The following DOCK3 variants were observed in gnomAD, a reference collection of about 807,000 sequenced individuals.
DOCK3 encodes the protein dedicator of cytokinesis 3.
A neutral mutation model predicts 265.6 loss-of-function variants in DOCK3; 60 were observed. The ratio of observed to expected loss-of-function variants is 0.23; its 90% CI spans 0.18 to 0.28. DOCK3 has a LOEUF of 0.28. Ranked by LOEUF, DOCK3 falls within the 10% of genes least tolerant of loss-of-function variation. The pLI, the probability that DOCK3 is intolerant of heterozygous loss-of-function variation, is 1.00. For synonymous variants in DOCK3, 881 were observed against 938.0 expected, an observed-to-expected ratio of 0.94 and a Z score of 1.11; for missense variants, 1,981 against 2,594.3, an observed-to-expected ratio of 0.76 and a Z score of 5.14.
chr3:50,890,598 A>C (rs1332177746), intron 4 of DOCK3, among the ~76,000 whole-genome samples: 1 of 152,260 alleles, frequency 6.6e-6, no homozygotes, highest in East Asian at 1.9e-4. Flanking sequence ...GCATGTTGGG[A>C]ATATGAATGA....
chr3:51,302,483 A>G (rs2082408280), intron 27 of DOCK3, among the ~76,000 whole-genome samples: 1 of 151,084 alleles, frequency 6.6e-6, no homozygotes, highest in Admixed American at 6.6e-5. Flanking sequence ...CTAGCTGATT[A>G]TTTTGCAGAC....
At chr3:50,696,963 C>G (rs1267591535) in intron 1 of DOCK3, among the ~76,000 whole-genome samples, 1 of 148,878 alleles carries the variant, frequency 6.7e-6, no homozygotes, top group Non-Finnish European at 1.5e-5. Flanking sequence ...GTCTCACTAA[C>G]TCTGTTGCTC....
At chr3:51,149,736 G>T (rs1238585914) in intron 10 of DOCK3, among the ~76,000 whole-genome samples, 1 of 152,180 alleles carries the variant, frequency 6.6e-6, no homozygotes, top group Non-Finnish European at 1.5e-5. Context: ...GCTGGATTCG[G>T]TTTGCCAGTA....
chr3:51,343,003 C>T (rs905515253), intron 38 of DOCK3, among the ~76,000 whole-genome samples: 16 of 152,186 alleles, frequency 1.1e-4, no homozygotes, highest in Admixed American at 2.6e-4. Flanking sequence ...CCTACCTTGT[C>T]TGTTCCTGTG....
chr3:51,213,708 T>C (rs2089631305), intron 13 of DOCK3, among the ~76,000 whole-genome samples: 1 of 152,196 alleles, frequency 6.6e-6, no homozygotes, highest in African/African-American at 2.4e-5. Context: ...ATTTCTCATA[T>C]TTGGGATGGC....
intron 1 of DOCK3, among the ~76,000 whole-genome samples, chr3:50,696,487 A>G (rs1279950363): frequency 6.6e-6 from 1 of 152,238 alleles, no homozygotes; most frequent in Non-Finnish European, 1.5e-5. Flanking sequence ...GGGGCGTGCA[A>G]GGCAATATCC....
chr3:50,724,991 CAA>C (rs34882214), intron 1 of DOCK3, among the ~76,000 whole-genome samples: 1,615 of 139,700 alleles, frequency 0.012, 9 homozygotes, highest in African/African-American at 0.015. Flanking sequence ...GATTCTGTCT[CAA>C]AAAAAAAAAA....
chr3:50,725,848 C>T (rs896380302), intron 1 of DOCK3, among the ~76,000 whole-genome samples: 1 of 152,054 alleles, frequency 6.6e-6, no homozygotes, highest in Non-Finnish European at 1.5e-5. Context: ...GGAGTAGCCT[C>T]CCGGGTGGCA....
intron 27 of DOCK3, among the ~76,000 whole-genome samples, chr3:51,297,044 G>C (rs1169342649): frequency 2.7e-5 from 4 of 146,798 alleles, no homozygotes; most frequent in Admixed American, 6.9e-5. Flanking sequence ...CTTGAATCCA[G>C]GAGGCAGAGG....
chr3:50,832,155 C>A (rs1400666921), intron 2 of DOCK3, among the ~76,000 whole-genome samples: 1 of 152,094 alleles, frequency 6.6e-6, no homozygotes, highest in African/African-American at 2.4e-5. Context: ...AACTGGCTAG[C>A]CATATGCAGA....
chr3:50,735,582 C>T (rs1422437602), intron 1 of DOCK3, among the ~76,000 whole-genome samples: 1 of 152,170 alleles, frequency 6.6e-6, no homozygotes, highest in East Asian at 1.9e-4. Flanking sequence ...AAGTGATCTG[C>T]CTGCCTCGGC....
At chr3:51,306,753 T>C (rs925035857) in intron 27 of DOCK3, among the ~76,000 whole-genome samples, 17 of 152,162 alleles carry the variant, frequency 1.1e-4, no homozygotes, top group South Asian at 6.3e-4. Context: ...TTCGGTGTAC[T>C]TTAAGTAATT....
intron 12 of DOCK3, among the ~76,000 whole-genome samples, chr3:51,196,407 A>G (rs1032448025): frequency 1.3e-5 from 2 of 152,122 alleles, no homozygotes; most frequent in African/African-American, 4.8e-5. Context: ...GTATTTTCCC[A>G]GGGATTGCTG....
At chr3:50,734,923 A>C (rs2038490400) in intron 1 of DOCK3, among the ~76,000 whole-genome samples, 1 of 152,090 alleles carries the variant, frequency 6.6e-6, no homozygotes. Flanking sequence ...TTTATACTTA[A>C]TATATTTTCA....
At chr3:51,026,433 GTT>G (rs34722593) in intron 5 of DOCK3, among the ~76,000 whole-genome samples, 8,952 of 140,252 alleles carry the variant, frequency 0.064, 292 homozygotes, top group Non-Finnish European at 0.08. Flanking sequence ...TTGGCCTGTA[GTT>G]TTTTTTTTTT....
intron 25 of DOCK3, 73 bp downstream of exon 25, chr3:51,275,279 C>T (rs1385394947): frequency 6.3e-7 from 1 of 1,593,818 alleles, no homozygotes; most frequent in Non-Finnish European, 8.5e-7. Flanking sequence ...AGAGGCAGAC[C>T]AACAAAGATC....
intron 1 of DOCK3, among the ~76,000 whole-genome samples, chr3:50,733,045 G>A (rs979295667): frequency 1.3e-5 from 2 of 152,188 alleles, no homozygotes; most frequent in African/African-American, 4.8e-5. Context: ...GCCTCCCAAA[G>A]TGCTGAGATT....
intron 5 of DOCK3, among the ~76,000 whole-genome samples, chr3:51,023,253 TTTTC>T (rs1473471790): frequency 2.0e-5 from 3 of 152,186 alleles, no homozygotes; most frequent in Non-Finnish European, 4.4e-5. Flanking sequence ...TCCTTTTTTT[TTTTC>T]TTTATCTTTG....
At chr3:51,198,701 G>C (rs1327379577) in intron 12 of DOCK3, among the ~76,000 whole-genome samples, 1 of 152,004 alleles carries the variant, frequency 6.6e-6, no homozygotes, top group African/African-American at 2.4e-5. Context: ...TTCAAACTAA[G>C]GAATTGTGAG....
Sources: gnomAD v4.1 joint callset for allele counts (sites outside exome capture counted in the v4.1 genomes callset) on GRCh38, gnomAD v4.1.1 for gene constraint, MANE v1.5 for transcripts, NCBI Gene and HGNC (gene_info 2026-07-23, HGNC 2026-07-21) for gene names.